Variants in RAPGEF5 observed in about 807,000 individuals in gnomAD.
RAPGEF5 encodes the protein Rap guanine nucleotide exchange factor 5.
In RAPGEF5, 65 loss-of-function variants were observed where a neutral mutation model predicts 125.2. That is an observed-to-expected ratio of 0.52 (90% CI 0.43 to 0.64). RAPGEF5 has a LOEUF of 0.64. Ranked by LOEUF, RAPGEF5 falls within the 30% of genes least tolerant of loss-of-function variation. RAPGEF5 has a pLI of 0.00. For missense variants in RAPGEF5, 958 were observed against 1,048.1 expected (o/e 0.91, Z 1.19); for synonymous variants, 391 against 385.9 (o/e 1.01, Z -0.16).
chr7:22,317,184 C>A (rs947650005), intron 2 of RAPGEF5, among the ~76,000 whole-genome samples: 2 of 150,400 alleles, frequency 1.3e-5, no homozygotes, highest in African/African-American at 4.9e-5. Flanking sequence ...TAGAGAAGGT[C>A]CCAGCCCTCA....
intron 9 of RAPGEF5, among the ~76,000 whole-genome samples, chr7:22,204,144 G>A (rs1241968866): frequency 6.6e-6 from 1 of 152,158 alleles, no homozygotes; most frequent in Admixed American, 6.5e-5. Context: ...TTTCAGAGCA[G>A]CATAAAATAG....
intron 7 of RAPGEF5, among the ~76,000 whole-genome samples, chr7:22,257,315 C>T (rs1264828292): frequency 6.6e-6 from 1 of 152,134 alleles, no homozygotes; most frequent in Non-Finnish European, 1.5e-5. Context: ...ATAGAAAACA[C>T]CATTCTGCAG....
intron 5 of RAPGEF5, among the ~76,000 whole-genome samples, chr7:22,301,082 T>G (rs1291865092): frequency 5.3e-5 from 8 of 152,330 alleles, no homozygotes; most frequent in Non-Finnish European, 8.8e-5. Context: ...TTCCATAATT[T>G]GCCTGCTTTT....
intron 9 of RAPGEF5, among the ~76,000 whole-genome samples, chr7:22,215,602 A>G (rs1238400280): frequency 1.3e-5 from 2 of 152,244 alleles, no homozygotes; most frequent in African/African-American, 4.8e-5. Flanking sequence ...AAAAGTTAGC[A>G]AATGAATGGA....
At chr7:22,134,047 G>C (rs959875616) in intron 23 of RAPGEF5, among the ~76,000 whole-genome samples, 1 of 152,188 alleles carries the variant, frequency 6.6e-6, no homozygotes. Flanking sequence ...AGGCACAAGA[G>C]AGGGGGAGAC....
chr7:22,157,496 C>T (rs1315427879), intron 15 of RAPGEF5, among the ~76,000 whole-genome samples: 12 of 152,222 alleles, frequency 7.9e-5, no homozygotes. Context: ...ATTTTCTTTA[C>T]AAGACTTCTT....
At chr7:22,242,948 A>T (rs1333420238) in intron 7 of RAPGEF5, among the ~76,000 whole-genome samples, 1 of 103,384 alleles carries the variant, frequency 9.7e-6, no homozygotes, top group Non-Finnish European at 2.0e-5. Context: ...ACTCCGTCTC[A>T]AAAAAAAAAA....
At position 22,147,011 on chromosome 7, in the gene RAPGEF5, A is replaced by G. The variant is rs1252181554; in HGVS notation, c.1893T>C (p.Phe631=). 4 of 1,613,244 alleles carry G rather than the reference A, an allele frequency of 2.5e-6. No homozygotes were observed. The African/African-American group carries it at 5.3e-5, about 22-fold the overall frequency. Reference sequence around the variant, plus strand: ...TTTGCTGTGATTCCTCATTTTCTGCAAATGGGTTCTAAACCAACAGAAGCA... The same window carrying G: ...TTTGCTGTGATTCCTCATTTTCTGCGAATGGGTTCTAAACCAACAGAAGCA... ...RKDLADTLNP[F]AENEESQQRS... Residue 631 remains phenylalanine, a synonymous_variant, in exon 19 of 26, where the codon TTT becomes TTC. Coordinates refer to ENST00000665637, the MANE Select transcript of RAPGEF5 (RefSeq NM_012294.5).
chr7:22,122,391 G>C lies in RAPGEF5; in HGVS notation c.*15C>G. 3 of 1,586,580 alleles carry C rather than the reference G, an allele frequency of 1.9e-6. No homozygotes were observed. The highest frequency in any genetic ancestry group is 1.1e-5 in the South Asian group (1 of 90,396). ...TCAAAGTGCTGCAGATACAGGGGAG[G>C]TGAGGCAGTGGGGCTCACACCCGAG... On this transcript the variant is annotated 3_prime_UTR_variant, in exon 26 of 26. Transcript: ENST00000665637.
intron 6 of RAPGEF5, among the ~76,000 whole-genome samples, chr7:22,285,222 C>T (rs1226064489): frequency 6.6e-6 from 1 of 152,054 alleles, no homozygotes; most frequent in Non-Finnish European, 1.5e-5. Flanking sequence ...AATCAAAATT[C>T]AAAATTTGAA....
intron 16 of RAPGEF5, 29 bp from the exon 17 acceptor site, chr7:22,154,633 A>G (rs781560715): frequency 6.2e-7 from 1 of 1,607,904 alleles, no homozygotes; most frequent in South Asian, 1.1e-5. Context: ...TTGTTTGGAA[A>G]CAGAGAACAG....
At chr7:22,250,968 A>G (rs931585538) in intron 7 of RAPGEF5, among the ~76,000 whole-genome samples, 10 of 152,294 alleles carry the variant, frequency 6.6e-5, no homozygotes, top group Admixed American at 6.5e-4. Flanking sequence ...TTTCCTGGCC[A>G]CACCCCCAGA....
chr7:22,253,581 G>A lies in RAPGEF5; in HGVS notation c.796+13383C>T, dbSNP rs144604993. Among the ~76,000 whole-genome samples the A allele has an allele frequency of 8.0e-4, 122 of 152,124 alleles. 1 individual carries two copies. Among genetic ancestry groups the A allele is most frequent in the African/African-American group, 2.8e-3 (115 of 41,502 alleles). On this transcript the variant is annotated intron_variant, in intron 7 of 25. Transcript: ENST00000665637. The stretch of plus-strand genomic sequence containing the variant: ...CTCTTATAACGTAGCATTTTTTAGC[G>A]TAAACACTCTTTATTAGAACACTCA...
intron 8 of RAPGEF5, among the ~76,000 whole-genome samples, chr7:22,229,915 G>T (rs1416879170): frequency 2.0e-5 from 3 of 152,112 alleles, no homozygotes; most frequent in African/African-American, 7.2e-5. Flanking sequence ...TCATCCCTCT[G>T]TATGTCCTAC....
intron 8 of RAPGEF5, among the ~76,000 whole-genome samples, chr7:22,224,657 C>G (rs1479305023): frequency 2.0e-5 from 3 of 152,060 alleles, no homozygotes; most frequent in Admixed American, 6.5e-5. Flanking sequence ...GAGGCCCAGA[C>G]AGTGGTGGGA....
At chr7:22,125,703 G>T (rs768449597) in intron 24 of RAPGEF5, 45 bp from the exon 25 acceptor site, 11 of 1,542,436 alleles carry the variant, frequency 7.1e-6, no homozygotes, top group East Asian at 2.2e-5. Context: ...GGTCGTTGAG[G>T]GTGTTACTGA....
At chr7:22,222,609 G>T (rs1174867941) in intron 8 of RAPGEF5, among the ~76,000 whole-genome samples, 1 of 152,166 alleles carries the variant, frequency 6.6e-6, no homozygotes, top group Non-Finnish European at 1.5e-5. Context: ...TGGTGGCACT[G>T]GTTGAGAGGT....
intron 1 of RAPGEF5, among the ~76,000 whole-genome samples, chr7:22,323,510 A>G (rs1783756154): frequency 6.6e-6 from 1 of 152,244 alleles, no homozygotes; most frequent in Admixed American, 6.5e-5. Flanking sequence ...AGTTTTGCCT[A>G]CCAATATGGG....
intron 1 of RAPGEF5, among the ~76,000 whole-genome samples, chr7:22,326,139 C>T (rs1783810115): frequency 6.6e-6 from 1 of 152,122 alleles, no homozygotes; most frequent in Non-Finnish European, 1.5e-5. Context: ...AGCTGCAGAA[C>T]AATAAAGGTG....
Sources: gnomAD v4.1 joint callset for allele counts (sites outside exome capture counted in the v4.1 genomes callset) on GRCh38, gnomAD v4.1.1 for gene constraint, MANE v1.5 for transcripts, NCBI Gene and HGNC (gene_info 2026-07-23, HGNC 2026-07-21) for gene names.